Variants in DIAPH2 observed in about 807,000 individuals in gnomAD.
DIAPH2 encodes diaphanous related formin 2.
Under a neutral mutation model 92.7 loss-of-function variants are expected in DIAPH2, and 35 were observed. The ratio of observed to expected loss-of-function variants is 0.38; its 90% CI spans 0.29 to 0.50. The LOEUF is 0.50. Among genes scored for constraint, DIAPH2 ranks in the 20% least tolerant of loss-of-function variants. The probability of loss-of-function intolerance (pLI) is 0.94; values close to 1 mark genes in which losing one functional copy is unlikely to be tolerated. For missense variants in DIAPH2, 701 were observed against 819.5 expected (o/e 0.86, Z 1.77); for synonymous variants, 301 against 280.4 (o/e 1.07, Z -0.73).
chrX:97,267,239 CAAT>C (rs760973470), intron 23 of DIAPH2, among the ~76,000 whole-genome samples: 2 of 110,764 alleles, frequency 1.8e-5, no homozygotes, highest in East Asian at 5.6e-4. Flanking sequence ...TCTGAGTTAT[CAAT>C]AATAAGAAAG....
chrX:96,780,112 T>G (rs2064405392), intron 4 of DIAPH2, among the ~76,000 whole-genome samples: 1 of 112,379 alleles, frequency 8.9e-6, no homozygotes, highest in South Asian at 3.7e-4. Context: ...AAATCTGGAT[T>G]TTCTTTGTAT....
chrX:96,860,476 A>C (rs1024678060), intron 4 of DIAPH2, among the ~76,000 whole-genome samples: 17 of 112,223 alleles, frequency 1.5e-4, no homozygotes, highest in African/African-American at 5.5e-4. Flanking sequence ...GCATTGCCTA[A>C]TACCATGAAA....
intron 22 of DIAPH2, among the ~76,000 whole-genome samples, chrX:97,217,593 C>T (rs1379899905): frequency 8.9e-6 from 1 of 112,121 alleles, no homozygotes; most frequent in Non-Finnish European, 1.9e-5. Flanking sequence ...TCATTTTATT[C>T]TTGTCCCCAA....
chrX:97,281,193 T>C (rs1409371310), intron 23 of DIAPH2, among the ~76,000 whole-genome samples: 1 of 112,025 alleles, frequency 8.9e-6, no homozygotes, highest in Non-Finnish European at 1.9e-5. Context: ...AAAGTATTTC[T>C]TGAAAAGTGA....
At chrX:97,515,931 G>A (rs2070943329) in intron 26 of DIAPH2, among the ~76,000 whole-genome samples, 1 of 111,338 alleles carries the variant, frequency 9.0e-6, no homozygotes, top group Non-Finnish European at 1.9e-5. Flanking sequence ...TACATCTGAA[G>A]GATTATACTC....
chrX:97,425,757 G>A (rs762694849), intron 25 of DIAPH2, among the ~76,000 whole-genome samples: 3 of 105,758 alleles, frequency 2.8e-5, no homozygotes, highest in South Asian at 8.9e-4. Context: ...CTCCAACCTC[G>A]GCAACAGAGG....
chrX:96,947,547 C>T (rs191944479), intron 14 of DIAPH2, among the ~76,000 whole-genome samples: 117 of 110,721 alleles, frequency 1.1e-3, no homozygotes, highest in Non-Finnish European at 8.1e-4. Context: ...GACATTTTCC[C>T]GGGATTCAAG....
chrX:96,879,788 G>C (rs1012389284), intron 4 of DIAPH2, among the ~76,000 whole-genome samples: 1 of 110,076 alleles, frequency 9.1e-6, no homozygotes, highest in African/African-American at 3.3e-5. Context: ...GGAGTGCTGT[G>C]GCGGGATCTC....
intron 17 of DIAPH2, among the ~76,000 whole-genome samples, chrX:97,052,644 T>C (rs2066528439): frequency 9.0e-6 from 1 of 111,014 alleles, no homozygotes; most frequent in Non-Finnish European, 1.9e-5. Flanking sequence ...CCTTTGGGAA[T>C]GAAGATGAGA....
intron 25 of DIAPH2, among the ~76,000 whole-genome samples, chrX:97,408,210 G>A (rs1019376785): frequency 5.4e-5 from 6 of 111,319 alleles, no homozygotes; most frequent in African/African-American, 1.6e-4. Context: ...CAGGAGCTCT[G>A]TGGGTGTCAA....
chrX:97,372,042 AAT>A (rs768801428), intron 24 of DIAPH2, among the ~76,000 whole-genome samples: 39 of 112,488 alleles, frequency 3.5e-4, no homozygotes, highest in African/African-American at 1.2e-3. Context: ...TACTAAGAAA[AAT>A]ATGTCTGCAG....
intron 23 of DIAPH2, among the ~76,000 whole-genome samples, chrX:97,293,473 T>C (rs1385760342): frequency 1.8e-5 from 2 of 110,178 alleles, no homozygotes; most frequent in African/African-American, 3.3e-5. Flanking sequence ...GGATGGTCTC[T>C]GTCTCCTGAC....
chrX:97,570,075 AATATATATATATATATATATATATAT>A (rs1164491863), intron 26 of DIAPH2, among the ~76,000 whole-genome samples: 6 of 12,089 alleles, frequency 5.0e-4, no homozygotes, highest in South Asian at 9.3e-3. Context: ...AAGGCCTTCT[AATATATATATATATATATATATATAT>A]ATATATATAT....
At chrX:97,282,945 A>AT (rs886987243) in intron 23 of DIAPH2, among the ~76,000 whole-genome samples, 7 of 110,792 alleles carry the variant, frequency 6.3e-5, no homozygotes, top group Non-Finnish European at 1.3e-4. Flanking sequence ...CATTTCTGGC[A>AT]TTTTTTTTAA....
chrX:97,102,564 A>G (rs1268109795), intron 20 of DIAPH2, among the ~76,000 whole-genome samples: 1 of 112,211 alleles, frequency 8.9e-6, no homozygotes, highest in East Asian at 2.8e-4. Flanking sequence ...GTCAGATTCT[A>G]TGAGAAGCAT....
At chrX:97,141,055 C>T (rs2067205803) in intron 21 of DIAPH2, among the ~76,000 whole-genome samples, 1 of 110,980 alleles carries the variant, frequency 9.0e-6, no homozygotes, top group African/African-American at 3.3e-5. Context: ...CTAACTGTGG[C>T]ATCTCTTTTG....
At chrX:96,850,806 C>A (rs940531500) in intron 4 of DIAPH2, among the ~76,000 whole-genome samples, 1 of 112,001 alleles carries the variant, frequency 8.9e-6, no homozygotes, top group African/African-American at 3.2e-5. Context: ...CTGAGGCATA[C>A]AACACATGAA....
intron 23 of DIAPH2, among the ~76,000 whole-genome samples, chrX:97,275,083 C>A (rs1249212385): frequency 8.9e-6 from 1 of 112,239 alleles, no homozygotes; most frequent in African/African-American, 3.2e-5. Context: ...TCTATCTTTT[C>A]CCCACATTTC....
intron 4 of DIAPH2, among the ~76,000 whole-genome samples, chrX:96,764,118 T>C (rs940348795): frequency 9.0e-6 from 1 of 111,384 alleles, no homozygotes; most frequent in Non-Finnish European, 1.9e-5. Context: ...AAGAATGAGA[T>C]AGGACCTAGT....
Sources: gnomAD v4.1 joint callset for allele counts (sites outside exome capture counted in the v4.1 genomes callset) on GRCh38, gnomAD v4.1.1 for gene constraint, MANE v1.5 for transcripts, NCBI Gene and HGNC (gene_info 2026-07-23, HGNC 2026-07-21) for gene names.